Variants in GRAMD1B observed in about 807,000 individuals in gnomAD.
The protein encoded by GRAMD1B is protein Aster-B.
In GRAMD1B, 37 loss-of-function variants were observed where a neutral mutation model predicts 99.7. The observed-to-expected ratio is 0.37, with a 90% CI of 0.29 to 0.49. The LOEUF is 0.49. GRAMD1B is among the 20% of genes least tolerant of loss of function. The pLI, the probability that GRAMD1B is intolerant of heterozygous loss-of-function variation, is 0.98. For missense variants in GRAMD1B, 888 were observed against 1,009.2 expected (o/e 0.88, Z 1.63); for synonymous variants, 427 against 387.6 (o/e 1.10, Z -1.19).
At chr11:123,448,263 A>T (rs1276590801) in intron 1 of GRAMD1B, among the ~76,000 whole-genome samples, 4 of 149,736 alleles carry the variant, frequency 2.7e-5, no homozygotes, top group African/African-American at 7.4e-5. Context: ...TTTTTTTATT[A>T]TTTTTTTTTG....
Position 123,623,313 on chromosome 11 carries a change from T to G in GRAMD1B, c.*718T>G, listed in dbSNP as rs1163821502. The G allele has an allele frequency of 6.6e-6, 1 of 152,016 alleles. No homozygotes were observed. The highest frequency in any genetic ancestry group is 2.4e-5 in the African/African-American group (1 of 41,264). The allele number at this position is 152,016 out of a possible 1,614,324, so 9.4% of individuals were successfully genotyped here. The stretch of plus-strand genomic sequence containing the variant: ...GACCCAGTAAGGGCTGGGAATTTCT[T>G]ACTTTCCCACCCGCTTTCTCTCTGG... On this transcript the variant is annotated 3_prime_UTR_variant, in exon 20 of 20. Coordinates refer to ENST00000635736, the MANE Select transcript of GRAMD1B (RefSeq NM_001387025.1).
At chr11:123,433,208 C>A (rs995352309) in intron 1 of GRAMD1B, among the ~76,000 whole-genome samples, 1 of 152,012 alleles carries the variant, frequency 6.6e-6, no homozygotes, top group African/African-American at 2.4e-5. Flanking sequence ...GAAACCCTGT[C>A]TCTACTAAAA....
At chr11:123,436,570 G>A (rs1403339197) in intron 1 of GRAMD1B, among the ~76,000 whole-genome samples, 1 of 152,160 alleles carries the variant, frequency 6.6e-6, no homozygotes, top group African/African-American at 2.4e-5. Context: ...ATTCAATGAG[G>A]AGCTGTCGTA....
upstream of GRAMD1B, among the ~76,000 whole-genome samples, chr11:123,426,859 A>G (rs1186335571): frequency 4.6e-5 from 7 of 152,246 alleles, no homozygotes; most frequent in Non-Finnish European, 1.0e-4. Context: ...TTGAATAATA[A>G]TAGTAGTTTA....
intron 2 of GRAMD1B, chr11:123,560,266 T>C: frequency 9.0e-7 from 1 of 1,106,158 alleles, no homozygotes; most frequent in Non-Finnish European, 1.1e-6. Context: ...GTGCCTGAGC[T>C]CAGAACAGCT....
At chr11:123,582,457 A>G (rs1368099960) in intron 3 of GRAMD1B, among the ~76,000 whole-genome samples, 1 of 152,190 alleles carries the variant, frequency 6.6e-6, no homozygotes, top group Non-Finnish European at 1.5e-5. Flanking sequence ...GGATGAGGCT[A>G]AGATGGGAGG....
chr11:123,598,757 C>G, intron 7 of GRAMD1B: 1 of 910,598 alleles, frequency 1.1e-6, no homozygotes, highest in Non-Finnish European at 1.9e-6. Flanking sequence ...CACTGCTTGT[C>G]TCTTTCGGCC....
chr11:123,411,613 T>C (rs1591462818), intron 1 of GRAMD1B, among the ~76,000 whole-genome samples: 1 of 152,324 alleles, frequency 6.6e-6, no homozygotes, highest in East Asian at 1.9e-4. Flanking sequence ...ACATTCCTGA[T>C]TTTTTCATTT....
At position 123,606,715 on chromosome 11, in the gene GRAMD1B, C is replaced by G; in HGVS notation, c.1430C>G (p.Pro477Arg). The change falls in exon 11 of 20, where the codon CCT becomes CGT. Residue 477 changes from proline (P) to arginine (R), a missense_variant. Physicochemically the swap from Pro to Arg is moderately radical, Grantham distance 103 (BLOSUM62 -2). Transcript: ENST00000635736. ...IMGEKIEMIA[P>R]VNSPSLDFND... ...GGGGAGAAGATTGAGATGATCGCTC[C>G]TGTGAACTCCCCTTCACTGGACTTC... 6.2e-7 allele frequency: 1 copy of G among 1,613,698 alleles called. No individual in the cohort carries two copies. The highest frequency in any genetic ancestry group is 1.6e-4 in the Middle Eastern group (1 of 6,062).
At chr11:123,453,449 A>G in intron 1 of GRAMD1B, among the ~76,000 whole-genome samples, 1 of 152,012 alleles carries the variant, frequency 6.6e-6, no homozygotes, top group East Asian at 1.9e-4. Context: ...CCCAAGTAGC[A>G]GAAATTACAG....
chr11:123,509,897 C>T (rs549006345), intron 2 of GRAMD1B: 1 of 152,456 alleles, frequency 6.6e-6, no homozygotes, highest in South Asian at 2.1e-4. Context: ...CCAGGGGCCT[C>T]TGCAGATCCA....
At chr11:123,382,774 A>G (rs1946924141) in intron 1 of GRAMD1B, among the ~76,000 whole-genome samples, 1 of 152,190 alleles carries the variant, frequency 6.6e-6, no homozygotes, top group African/African-American at 2.4e-5. Flanking sequence ...GGATATCAGC[A>G]AAGGATAAAT....
chr11:123,367,787 A>G (rs1171372733), intron 1 of GRAMD1B, among the ~76,000 whole-genome samples: 1 of 152,090 alleles, frequency 6.6e-6, no homozygotes, highest in African/African-American at 2.4e-5. Context: ...AGAAACAAGG[A>G]CAGTCCAAAG....
chr11:123,414,325 A>T (rs375961659), intron 1 of GRAMD1B, among the ~76,000 whole-genome samples: 1 of 152,308 alleles, frequency 6.6e-6, no homozygotes, highest in South Asian at 2.1e-4. Flanking sequence ...GATTACAGGC[A>T]TGAGCCACCT....
rs559363442 is a variant in GRAMD1B at position 123,526,657 on chromosome 11, C to A, written c.452+45764C>A. Among the ~76,000 whole-genome samples, 8 of 152,244 alleles carry A rather than the reference C, an allele frequency of 5.3e-5. No homozygotes were observed. In the South Asian group the frequency reaches 1.7e-3, roughly 32 times the overall value. ...AGGGCGGGCAGTCCCTAGGGGCATC[C>A]CTCTGAGGGGCCAGGCTCCATCTTC... On this transcript the variant is annotated intron_variant, in intron 2 of 19. Transcript: ENST00000635736.
chr11:123,536,435 AAAAAT>A (rs931620784), intron 2 of GRAMD1B, among the ~76,000 whole-genome samples: 4 of 152,198 alleles, frequency 2.6e-5, no homozygotes, highest in African/African-American at 7.2e-5. Context: ...TAAATAAATG[AAAAAT>A]AAAATAAAAT....
chr11:123,419,021 A>G (rs1948329442), intron 1 of GRAMD1B, among the ~76,000 whole-genome samples: 2 of 152,220 alleles, frequency 1.3e-5, no homozygotes. Flanking sequence ...GTGGGAAATG[A>G]TGCATTGGAA....
rs1950192455 is a variant in GRAMD1B at position 123,587,544 on chromosome 11, T to A, written c.684+3212T>A. On this transcript the variant is annotated intron_variant, in intron 4 of 19. Transcript: ENST00000635736. The surrounding 1 kb of genome is among the most constrained non-coding windows in gnomAD (Gnocchi z 4.2). ...CAAGAGGGGTGAAATTTACTCCCCC[T>A]CAGCCCCCAACGGGGCATAACATCA... Among the ~76,000 whole-genome samples, 1 of 152,188 alleles carries A rather than the reference T, an allele frequency of 6.6e-6. No individual in the cohort carries two copies. Among genetic ancestry groups the A allele is most frequent in the Admixed American group, 6.5e-5 (1 of 15,290 alleles).
At chr11:123,405,473 C>T (rs1741457214) in intron 1 of GRAMD1B, among the ~76,000 whole-genome samples, 2 of 152,164 alleles carry the variant, frequency 1.3e-5, no homozygotes, top group Non-Finnish European at 2.9e-5. Flanking sequence ...TCCCTGCTAA[C>T]TTGTGGGTTA....
Sources: allele counts gnomAD v4.1 joint callset (sites outside exome capture counted in the v4.1 genomes callset), GRCh38; gene constraint gnomAD v4.1.1; non-coding constraint Gnocchi (gnomAD v3.1); transcripts MANE v1.5; gene names NCBI Gene and HGNC (gene_info 2026-07-23, HGNC 2026-07-21).